The following LRPAP1 variants were observed in gnomAD, a reference collection of about 807,000 sequenced individuals.
LRPAP1 encodes LDL receptor related protein associated protein 1.
In LRPAP1, 41 loss-of-function variants were observed where a neutral mutation model predicts 39.9. The observed-to-expected ratio is 1.03, with a 90% CI of 0.80 to 1.33. The LOEUF (loss-of-function observed/expected upper bound fraction) is 1.33. Ranked by LOEUF, LRPAP1 falls within the 40% of genes most tolerant of loss-of-function variation. The pLI is 0.00. For synonymous variants in LRPAP1, 263 were observed against 212.7 expected, an observed-to-expected ratio of 1.24 and a Z score of -2.06; for missense variants, 565 against 482.3, an observed-to-expected ratio of 1.17 and a Z score of -1.61.
intron 6 of LRPAP1, among the ~76,000 whole-genome samples, chr4:3,515,647 T>C (rs1200610333): frequency 1.3e-5 from 2 of 152,090 alleles, no homozygotes; most frequent in Non-Finnish European, 2.9e-5. Flanking sequence ...TGCTGGGTGC[T>C]CACCGAGCTG....
chr4:3,516,468 T>A (rs1036779996), intron 5 of LRPAP1, among the ~76,000 whole-genome samples: 1 of 136,074 alleles, frequency 7.3e-6, no homozygotes, highest in African/African-American at 2.6e-5. Context: ...CCTGCCTCCA[T>A]CAGAGCCTGG....
chr4:3,529,313 ACT>A (rs893435246), intron 1 of LRPAP1, among the ~76,000 whole-genome samples: 3 of 151,712 alleles, frequency 2.0e-5, no homozygotes, highest in Admixed American at 6.6e-5. Context: ...ACAGAGTGAG[ACT>A]CTGTCTCAAA....
At chr4:3,513,400 C>T (rs1364647617) in intron 7 of LRPAP1, among the ~76,000 whole-genome samples, 1 of 152,164 alleles carries the variant, frequency 6.6e-6, no homozygotes, top group Non-Finnish European at 1.5e-5. Flanking sequence ...CTCTGCCTCC[C>T]AGGCTCAAGT....
chr4:3,514,638 G>C, intron 7 of LRPAP1, 114 bp downstream of exon 7: 2 of 1,345,292 alleles, frequency 1.5e-6, no homozygotes, highest in Non-Finnish European at 2.0e-6. Flanking sequence ...GGACAGGGAA[G>C]ACAGCAGCGT....
intron 1 of LRPAP1, among the ~76,000 whole-genome samples, chr4:3,528,713 G>A (rs940697597): frequency 5.9e-5 from 9 of 152,178 alleles, no homozygotes; most frequent in African/African-American, 1.7e-4. Context: ...GTCTCACCAC[G>A]GCAGGTGGCA....
At chr4:3,514,682 C>A in intron 7 of LRPAP1, 70 bp downstream of exon 7, 1 of 1,519,710 alleles carries the variant, frequency 6.6e-7, no homozygotes, top group East Asian at 2.3e-5. Flanking sequence ...AAGCCCTGAG[C>A]TGCATGTGGG....
chr4:3,523,017 T>C (rs1729967442), intron 2 of LRPAP1, among the ~76,000 whole-genome samples: 1 of 152,022 alleles, frequency 6.6e-6, no homozygotes, highest in Admixed American at 6.5e-5. Context: ...CTTTCCTGAG[T>C]GTGGGCAGGG....
Position 3,523,027 on chromosome 4 carries a change from G to T in LRPAP1, c.349+1880C>A, listed in dbSNP as rs188319449. Among the ~76,000 whole-genome samples, 1,100 of 152,264 alleles carry T rather than the reference G, an allele frequency of 7.2e-3. 9 individuals are homozygous for T. The highest frequency in any genetic ancestry group is 9.9e-3 in the Non-Finnish European group (672 of 68,000). Reference sequence around the variant, plus strand: ...AGCCTCTTTCCTGAGTGTGGGCAGGGTCTGCTTCTGGGACGCCGGCTCCTA... The same window carrying T: ...AGCCTCTTTCCTGAGTGTGGGCAGGTTCTGCTTCTGGGACGCCGGCTCCTA... On this transcript the variant is annotated intron_variant, in intron 2 of 7. Coordinates refer to ENST00000650182, the MANE Select transcript of LRPAP1 (RefSeq NM_002337.4).
intron 2 of LRPAP1, among the ~76,000 whole-genome samples, chr4:3,521,396 C>A (rs1487006697): frequency 6.6e-6 from 1 of 152,180 alleles, no homozygotes; most frequent in Non-Finnish European, 1.5e-5. Context: ...CACCCGTGAC[C>A]CTACTGGACA....
chr4:3,514,470 C>T (rs558117578), intron 7 of LRPAP1, among the ~76,000 whole-genome samples: 4 of 152,326 alleles, frequency 2.6e-5, no homozygotes, highest in East Asian at 3.9e-4. Flanking sequence ...ATCCAGGTCA[C>T]GCCCCATCCT....
intron 5 of LRPAP1, 63 bp from the exon 6 acceptor site, chr4:3,516,261 C>T (rs899373203): frequency 3.2e-5 from 42 of 1,313,708 alleles, no homozygotes; most frequent in South Asian, 2.4e-4. Context: ...GCCAGCCCCG[C>T]GGCAACCACG....
chr4:3,516,290 T>C, intron 5 of LRPAP1, 92 bp from the exon 6 acceptor site: 2 of 994,030 alleles, frequency 2.0e-6, no homozygotes, highest in East Asian at 6.1e-5. Context: ...GCGTGGAGCC[T>C]ATGAGGGTTT....
Position 3,532,360 on chromosome 4 carries a change from A to C in LRPAP1, c.53T>G (p.Leu18Arg), listed in dbSNP as rs770116081. The change falls in exon 1 of 8, where the codon CTG (leucine) becomes CGG (arginine). Residue 18 changes from leucine to arginine, a missense_variant. Coordinates refer to ENST00000650182, the MANE Select transcript of LRPAP1 (RefSeq NM_002337.4). ...CCAGGGCCCGAGGAAGAGCAGCAGCAGTAGCAGCGCCGGGAGCCCGCGCAG... is the reference window on the plus strand; with the variant it reads ...CCAGGGCCCGAGGAAGAGCAGCAGCCGTAGCAGCGCCGGGAGCCCGCGCAG... ...SFLRGLPALL[L>R]LLLFLGPWPA... The C allele has an allele frequency of 3.8e-6, 6 of 1,594,554 alleles. No homozygotes were observed. In the Admixed American group the frequency reaches 6.9e-5, roughly 18 times the overall value.
intron 2 of LRPAP1, among the ~76,000 whole-genome samples, chr4:3,522,028 G>A (rs1277811469): frequency 6.6e-6 from 1 of 152,202 alleles, no homozygotes. Flanking sequence ...GAAAATAAAT[G>A]AAATAAATAC....
chr4:3,532,034 G>T, intron 1 of LRPAP1, 175 bp downstream of exon 1: 1 of 701,514 alleles, frequency 1.4e-6, no homozygotes, highest in Non-Finnish European at 2.3e-6. Flanking sequence ...GCTGCAGAAG[G>T]GGTCGGGGCG....
At chr4:3,529,702 G>A (rs2108698725) in intron 1 of LRPAP1, among the ~76,000 whole-genome samples, 1 of 152,242 alleles carries the variant, frequency 6.6e-6, no homozygotes. Flanking sequence ...GCCGGGTCTC[G>A]CCTGATGAAA....
chr4:3,514,664 T>C, intron 7 of LRPAP1, 88 bp downstream of exon 7: 1 of 1,475,316 alleles, frequency 6.8e-7, no homozygotes, highest in Non-Finnish European at 9.1e-7. Flanking sequence ...CCACACCCCA[T>C]CTACAGGAAG....
In LRPAP1 at chr4:3,520,136, T is replaced by C. The variant is rs752216416; in HGVS notation, c.407A>G (p.Asn136Ser). The part of the protein sequence containing the change: ...GKKDARQVTS[N>S]SLSGTQEDGL... ...GTCTTCCTGGGTGCCACTGAGGGAG[T>C]TGCTGGTCACCTGCCGAGCGTCCTT... The change falls in exon 3 of 8, where the codon AAC (asparagine) becomes AGC (serine). Residue 136 changes from asparagine (N) to serine (S), a missense_variant. Asn to Ser is a conservative substitution (Grantham distance 46). Transcript: ENST00000650182. 1.3e-5 allele frequency: 21 copies of C among 1,613,920 alleles called. No individual in the cohort carries two copies. Among genetic ancestry groups the C allele is most frequent in the African/African-American group, 2.7e-5 (2 of 74,962 alleles).
chr4:3,529,706 G>T (rs914978025), intron 1 of LRPAP1, among the ~76,000 whole-genome samples: 1 of 152,210 alleles, frequency 6.6e-6, no homozygotes, highest in Non-Finnish European at 1.5e-5. Flanking sequence ...GGTCTCGCCT[G>T]ATGAAAGCGG....
Sources: gnomAD v4.1 joint callset for allele counts (sites outside exome capture counted in the v4.1 genomes callset) on GRCh38, gnomAD v4.1.1 for gene constraint, MANE v1.5 for transcripts, NCBI Gene and HGNC (gene_info 2026-07-23, HGNC 2026-07-21) for gene names.